ZNRF3: variants seen among roughly 807,000 people sequenced by gnomAD.
ZNRF3 encodes zinc and ring finger 3.
In ZNRF3, 23 loss-of-function variants were observed where a neutral mutation model predicts 72.5. That is an observed-to-expected ratio of 0.32 (90% CI 0.23 to 0.45). The LOEUF (loss-of-function observed/expected upper bound fraction) is 0.45. Among genes scored for constraint, ZNRF3 ranks in the 20% least tolerant of loss-of-function variants. The pLI is 1.00. For missense variants in ZNRF3, 1,169 were observed against 1,272.1 expected (o/e 0.92, Z 1.23); for synonymous variants, 610 against 545.3 (o/e 1.12, Z -1.65).
rs537790638 is a variant in ZNRF3, at chr22:29,010,343, C to T, written c.426+23142C>T. Among the ~76,000 whole-genome samples the T allele has an allele frequency of 8.3e-4, 127 of 152,262 alleles. No homozygotes were observed. In the South Asian group the frequency reaches 0.019, roughly 22 times the overall value. ...ACTCCAGGTCTTTTGTGAGTGGAGT[C>T]GTGTATTTGTCCTTTTGTGACTGGC... is the stretch of plus-strand genomic sequence containing the variant. On this transcript the variant is annotated intron_variant, in intron 2 of 8. Transcript: ENST00000544604.
At chr22:28,989,800 C>A (rs1224070682) in intron 2 of ZNRF3, among the ~76,000 whole-genome samples, 2 of 152,158 alleles carry the variant, frequency 1.3e-5, no homozygotes, top group Admixed American at 6.5e-5. Flanking sequence ...CTTCACCTAC[C>A]CGCGTACTTA....
intron 2 of ZNRF3, among the ~76,000 whole-genome samples, chr22:29,012,113 C>T (rs117513217): frequency 0.011 from 1,674 of 152,308 alleles, 28 homozygotes; most frequent in East Asian, 0.045. Flanking sequence ...GCCCCTGCCC[C>T]GTGAGACACT....
chr22:28,952,500 T>TG lies in ZNRF3; in HGVS notation c.301-34576_301-34575insG, dbSNP rs1287337924. Among the ~76,000 whole-genome samples, 9 of 151,876 alleles carry TG rather than the reference T, an allele frequency of 5.9e-5. No homozygotes were observed. The East Asian group carries it at 1.5e-3, about 26-fold the overall frequency. ...GAGAAGTTTTTCATTTCCATGTTTT[T>TG]TTTTTTTTTTTAACCATTTTGTTTG... On this transcript the variant is annotated intron_variant, in intron 1 of 8. Coordinates refer to ENST00000544604, the MANE Select transcript of ZNRF3 (RefSeq NM_001206998.2).
At chr22:29,023,359 A>G (rs2036571569) in intron 2 of ZNRF3, among the ~76,000 whole-genome samples, 1 of 152,170 alleles carries the variant, frequency 6.6e-6, no homozygotes, top group South Asian at 2.1e-4. Flanking sequence ...CTCCTTTGCA[A>G]ATCTTGGACA....
intron 1 of ZNRF3, among the ~76,000 whole-genome samples, chr22:28,921,387 T>C (rs762308399): frequency 8.5e-5 from 13 of 152,240 alleles, no homozygotes; most frequent in Non-Finnish European, 1.2e-4. Context: ...TGACATTTTG[T>C]GCCCAGTCTG....
At chr22:28,890,362 T>C (rs2033862439) in intron 1 of ZNRF3, among the ~76,000 whole-genome samples, 1 of 151,982 alleles carries the variant, frequency 6.6e-6, no homozygotes, top group Non-Finnish European at 1.5e-5. Context: ...TAGCCGGGCG[T>C]GGTGGCGGGG....
intron 2 of ZNRF3, among the ~76,000 whole-genome samples, chr22:29,003,381 G>T (rs372562677): frequency 6.6e-6 from 1 of 152,000 alleles, no homozygotes; most frequent in East Asian, 1.9e-4. Flanking sequence ...TTAGCCAGGC[G>T]TGGTGGCGGG....
intron 5 of ZNRF3, among the ~76,000 whole-genome samples, chr22:29,045,975 C>T (rs901196468): frequency 2.0e-5 from 3 of 152,172 alleles, no homozygotes; most frequent in Admixed American, 6.5e-5. Flanking sequence ...CCAGCAGCAA[C>T]GGCAGCACCT....
In ZNRF3 at chr22:28,967,815, C is replaced by T. The variant is rs544534270; in HGVS notation, c.301-19261C>T. 7.3e-5 allele frequency among the ~76,000 whole-genome samples: 11 copies of T among 151,478 alleles called. No homozygotes were observed. In the South Asian group the frequency reaches 1.9e-3, roughly 26 times the overall value. On this transcript the variant is annotated intron_variant, in intron 1 of 8. Transcript: ENST00000544604. ...TGACACACACCTGTAGTCCCAGCTA[C>T]TCAGGTGGCTGAGGCAGGAGGATCG... is the stretch of plus-strand genomic sequence containing the variant.
At chr22:29,007,752 C>CTTTTTTTTTTT (rs943507617) in intron 2 of ZNRF3, among the ~76,000 whole-genome samples, 1 of 43,674 alleles carries the variant, frequency 2.3e-5, no homozygotes, top group Non-Finnish European at 5.3e-5. Context: ...CCATTTCTTC[C>CTTTTTTTTTTT]TTTTTTTTTT....
At chr22:28,925,620 A>G (rs972224042) in intron 1 of ZNRF3, among the ~76,000 whole-genome samples, 3 of 152,144 alleles carry the variant, frequency 2.0e-5, no homozygotes, top group Non-Finnish European at 4.4e-5. Context: ...GTCGACACCC[A>G]TATACCCACT....
chr22:29,046,692 C>A, intron 5 of ZNRF3, 24 bp from the exon 6 acceptor site: 2 of 1,572,508 alleles, frequency 1.3e-6, no homozygotes, highest in Non-Finnish European at 1.7e-6. Context: ...TGGACCCTCA[C>A]ACAGACTACA....
In ZNRF3 at chr22:29,048,063, C is replaced by T. The variant is rs1023508632; in HGVS notation, c.913-326C>T. Among the ~76,000 whole-genome samples the T allele has an allele frequency of 6.6e-6, 1 of 152,182 alleles. No individual in the cohort carries two copies. Among genetic ancestry groups the T allele is most frequent in the Non-Finnish European group, 1.5e-5 (1 of 68,036 alleles). The stretch of plus-strand genomic sequence containing the variant: ...TCCATACCCCTAAGCCTCCCATCCT[C>T]ACTAGCAGGAGGACTCGGCCCTCCC... On this transcript the variant is annotated intron_variant, in intron 6 of 8. Coordinates refer to ENST00000544604, the MANE Select transcript of ZNRF3 (RefSeq NM_001206998.2). This position sits in a 1 kb window ranked among gnomAD's most constrained non-coding sequence, Gnocchi z 4.9.
chr22:29,020,330 G>A (rs1218389486), intron 2 of ZNRF3, among the ~76,000 whole-genome samples: 2 of 137,020 alleles, frequency 1.5e-5, no homozygotes, highest in East Asian at 2.2e-4. Flanking sequence ...GCATAATCTC[G>A]GCTCACTGCA....
chr22:29,016,065 G>A (rs1479184420), intron 2 of ZNRF3, among the ~76,000 whole-genome samples: 2 of 149,036 alleles, frequency 1.3e-5, no homozygotes, highest in East Asian at 2.0e-4. Flanking sequence ...GATGAAAGTT[G>A]TATCTTATAC....
chr22:28,898,629 T>C (rs1044672740), intron 1 of ZNRF3, among the ~76,000 whole-genome samples: 1 of 152,260 alleles, frequency 6.6e-6, no homozygotes, highest in Non-Finnish European at 1.5e-5. Context: ...GAATGACCCA[T>C]CAGAAACAAA....
chr22:28,886,451 ACCT>A (rs1361635763), intron 1 of ZNRF3, among the ~76,000 whole-genome samples: 3 of 151,434 alleles, frequency 2.0e-5, no homozygotes, highest in African/African-American at 7.3e-5. Flanking sequence ...CTTTAAATAA[ACCT>A]CCTTTTGTTT....
chr22:29,036,583 A>G (rs1029156625), intron 2 of ZNRF3, among the ~76,000 whole-genome samples: 11 of 152,232 alleles, frequency 7.2e-5, no homozygotes, highest in Admixed American at 3.3e-4. Flanking sequence ...CAGTCTATCT[A>G]TCTTGTCATT....
intron 1 of ZNRF3, among the ~76,000 whole-genome samples, chr22:28,975,189 C>T (rs113837992): frequency 1.3e-5 from 2 of 151,746 alleles, no homozygotes; most frequent in African/African-American, 2.4e-5. Context: ...GAGTCCGAGG[C>T]GGGCGGATCA....
Sources: gnomAD v4.1 joint callset for allele counts (sites outside exome capture counted in the v4.1 genomes callset) on GRCh38, gnomAD v4.1.1 for gene constraint, Gnocchi (gnomAD v3.1) non-coding constraint, MANE v1.5 for transcripts, NCBI Gene and HGNC (gene_info 2026-07-23, HGNC 2026-07-21) for gene names.